ATRNL1: variants seen among roughly 807,000 people sequenced by gnomAD.
The protein encoded by ATRNL1 is attractin like 1.
A neutral mutation model predicts 182.7 loss-of-function variants in ATRNL1; 95 were observed. That is an observed-to-expected ratio of 0.52 (90% CI 0.44 to 0.62). The LOEUF is 0.62. Among genes scored for constraint, ATRNL1 ranks in the 20% least tolerant of loss-of-function variants. ATRNL1 has a pLI of 0.00. For missense variants in ATRNL1, 1,471 were observed against 1,679.5 expected (o/e 0.88, Z 2.17); for synonymous variants, 576 against 568.3 (o/e 1.01, Z -0.19).
chr10:115,718,890 C>G (rs1397532881), intron 26 of ATRNL1, among the ~76,000 whole-genome samples: 5 of 152,164 alleles, frequency 3.3e-5, no homozygotes, highest in African/African-American at 1.2e-4. Flanking sequence ...AGAAGAGTCT[C>G]TGGTATTTTT....
chr10:115,527,897 TTCC>T, intron 25 of ATRNL1, among the ~76,000 whole-genome samples: 1 of 38,504 alleles, frequency 2.6e-5, no homozygotes, highest in Non-Finnish European at 7.1e-5. Flanking sequence ...CTTCCCTCCC[TTCC>T]TTCCTTCCTT....
intron 25 of ATRNL1, among the ~76,000 whole-genome samples, chr10:115,526,306 T>C (rs1481596490): frequency 6.6e-6 from 1 of 152,184 alleles, no homozygotes; most frequent in Non-Finnish European, 1.5e-5. Context: ...CATGTTGGCA[T>C]TTCTGCTATC....
chr10:115,873,613 G>A (rs1276876688), intron 28 of ATRNL1, among the ~76,000 whole-genome samples: 1 of 152,198 alleles, frequency 6.6e-6, no homozygotes, highest in Non-Finnish European at 1.5e-5. Flanking sequence ...CAGAAAGGGA[G>A]GAGTGAGGAC....
At chr10:115,327,214 C>A (rs1554933611) in intron 18 of ATRNL1, among the ~76,000 whole-genome samples, 1 of 151,412 alleles carries the variant, frequency 6.6e-6, no homozygotes, top group South Asian at 2.1e-4. Flanking sequence ...CCAGAATCTA[C>A]AATGAACTCA....
chr10:115,841,497 C>T (rs1165745938), intron 27 of ATRNL1, among the ~76,000 whole-genome samples: 2 of 152,172 alleles, frequency 1.3e-5, no homozygotes, highest in South Asian at 2.1e-4. Context: ...ATGAAGTTTA[C>T]GGTTGGAATA....
intron 8 of ATRNL1, among the ~76,000 whole-genome samples, chr10:115,181,299 G>A (rs1847736879): frequency 6.6e-6 from 1 of 151,820 alleles, no homozygotes. Flanking sequence ...AACATTGACA[G>A]CTGCATATGT....
At chr10:115,398,952 A>G (rs1394454697) in intron 20 of ATRNL1, among the ~76,000 whole-genome samples, 1 of 152,064 alleles carries the variant, frequency 6.6e-6, no homozygotes, top group Non-Finnish European at 1.5e-5. Flanking sequence ...TTCTGCATCT[A>G]TTGAGATAAT....
chr10:115,325,829 A>G (rs1854844144), intron 18 of ATRNL1, among the ~76,000 whole-genome samples: 1 of 151,794 alleles, frequency 6.6e-6, no homozygotes, highest in African/African-American at 2.4e-5. Context: ...TTATTTTACC[A>G]TTAATCTGTG....
rs77971044 is a variant in ATRNL1 at position 115,620,781 on chromosome 10, C to T, written c.3795+71245C>T. Among the ~76,000 whole-genome samples the T allele has an allele frequency of 7.3e-3, 1,109 of 152,278 alleles. 13 individuals are homozygous for T. The highest frequency in any genetic ancestry group is 0.025 in the African/African-American group (1,046 of 41,576). ...TTTACCCTGTAGACACAACATACTA[C>T]GTGTGTAAACACACATGAACACATA... is the stretch of plus-strand genomic sequence containing the variant. On this transcript the variant is annotated intron_variant, in intron 26 of 28. Transcript: ENST00000355044.
chr10:115,424,693 T>C (rs1343982987), intron 20 of ATRNL1, among the ~76,000 whole-genome samples: 1 of 152,134 alleles, frequency 6.6e-6, no homozygotes, highest in Non-Finnish European at 1.5e-5. Flanking sequence ...TACTGCATGA[T>C]CTCACTTATA....
rs144741561 is a variant in ATRNL1, at chr10:115,160,763, C to G, written c.1004+549C>G. Among the ~76,000 whole-genome samples the G allele has an allele frequency of 3.3e-5, 5 of 151,842 alleles. No individual in the cohort carries two copies. The East Asian group carries it at 7.7e-4, about 23-fold the overall frequency. The stretch of plus-strand genomic sequence containing the variant: ...CAGCTTTATCTGATTTCTTTTTCAG[C>G]TAATGATTGTATTTTATGAACTGTT... On this transcript the variant is annotated intron_variant, in intron 6 of 28. Transcript: ENST00000355044.
At chr10:115,887,435 G>A (rs1426104919) in intron 28 of ATRNL1, among the ~76,000 whole-genome samples, 1 of 152,186 alleles carries the variant, frequency 6.6e-6, no homozygotes, top group African/African-American at 2.4e-5. Context: ...CTAGGTGGAT[G>A]TCTTCTCACT....
intron 19 of ATRNL1, among the ~76,000 whole-genome samples, chr10:115,381,559 C>T (rs114063056): frequency 0.015 from 2,286 of 151,460 alleles, 50 homozygotes; most frequent in African/African-American, 0.053. Context: ...AGGTGCAAGT[C>T]ACCGTGCCAG....
intron 26 of ATRNL1, among the ~76,000 whole-genome samples, chr10:115,690,687 G>T (rs1290587220): frequency 6.6e-6 from 1 of 152,170 alleles, no homozygotes; most frequent in African/African-American, 2.4e-5. Context: ...GAGATATGGG[G>T]GCTATGATTC....
intron 26 of ATRNL1, among the ~76,000 whole-genome samples, chr10:115,592,339 G>T (rs1204284851): frequency 2.0e-5 from 3 of 152,108 alleles, no homozygotes; most frequent in African/African-American, 7.2e-5. Flanking sequence ...ACAAACAAGA[G>T]ATCGCCAGTG....
chr10:115,596,209 G>A (rs2769393), intron 26 of ATRNL1, among the ~76,000 whole-genome samples: 72,344 of 151,818 alleles, frequency 0.48, 18,686 homozygotes, highest in East Asian at 0.84. Context: ...GGGTTCAAGC[G>A]ATTCTCCTGC....
chr10:115,365,429 T>C (rs1331134905), intron 19 of ATRNL1, among the ~76,000 whole-genome samples: 6 of 152,020 alleles, frequency 3.9e-5, no homozygotes, highest in African/African-American at 1.4e-4. Context: ...TTATTAGTCT[T>C]GCTAGCGGTC....
chr10:115,288,415 T>A (rs1852731206), intron 15 of ATRNL1, among the ~76,000 whole-genome samples: 1 of 152,302 alleles, frequency 6.6e-6, no homozygotes, highest in African/African-American at 2.4e-5. Flanking sequence ...AATAGACATC[T>A]GGAGGTGAGA....
chr10:115,184,615 TATGAC>T (rs1554888452), intron 8 of ATRNL1, among the ~76,000 whole-genome samples: 1 of 151,770 alleles, frequency 6.6e-6, no homozygotes, highest in Non-Finnish European at 1.5e-5. Flanking sequence ...ATGGTAAAGA[TATGAC>T]ATGAAAGTAT....
Sources: gnomAD v4.1 joint callset for allele counts (sites outside exome capture counted in the v4.1 genomes callset) on GRCh38, gnomAD v4.1.1 for gene constraint, MANE v1.5 for transcripts, NCBI Gene and HGNC (gene_info 2026-07-23, HGNC 2026-07-21) for gene names.